The following GALNT10 variants were observed in gnomAD, a reference collection of about 807,000 sequenced individuals.
GALNT10 encodes GalNAc transferase 10.
Under a neutral mutation model 75.0 loss-of-function variants are expected in GALNT10, and 41 were observed. The ratio of observed to expected loss-of-function variants is 0.55; its 90% CI spans 0.43 to 0.71. The LOEUF (loss-of-function observed/expected upper bound fraction) is 0.71, where lower values mean the gene tolerates loss of function less well. Among genes scored for constraint, GALNT10 ranks in the 30% least tolerant of loss-of-function variants. The probability of loss-of-function intolerance (pLI) is 0.00; values close to 1 mark genes in which losing one functional copy is unlikely to be tolerated. For synonymous variants in GALNT10, 302 were observed against 313.0 expected, an observed-to-expected ratio of 0.96 and a Z score of 0.37; for missense variants, 727 against 818.5, an observed-to-expected ratio of 0.89 and a Z score of 1.36.
chr5:154,289,104 A>G (rs536978864), intron 1 of GALNT10, among the ~76,000 whole-genome samples: 1 of 152,298 alleles, frequency 6.6e-6, no homozygotes, highest in East Asian at 1.9e-4. Context: ...TCCTCCAAAC[A>G]TGGTTATCAC....
intron 5 of GALNT10, among the ~76,000 whole-genome samples, chr5:154,379,632 C>A (rs946859085): frequency 1.6e-4 from 24 of 152,226 alleles, no homozygotes; most frequent in African/African-American, 5.8e-4. Context: ...AAGGGCAGAG[C>A]AAACCAAAGC....
chr5:154,259,106 T>C (rs1753660196), intron 1 of GALNT10, among the ~76,000 whole-genome samples: 1 of 152,192 alleles, frequency 6.6e-6, no homozygotes, highest in African/African-American at 2.4e-5. Flanking sequence ...GTTTTTCCCA[T>C]TGATGCCTTT....
chr5:154,289,798 C>T (rs577142773), intron 1 of GALNT10, among the ~76,000 whole-genome samples: 8 of 152,308 alleles, frequency 5.3e-5, no homozygotes, highest in Non-Finnish European at 1.2e-4. Flanking sequence ...CCCAGGTTCT[C>T]CAAGAACCAC....
Position 154,415,798 on chromosome 5 carries a change from T to C in GALNT10, c.1519T>C (p.Trp507Arg). 6.2e-7 allele frequency: 1 copy of C among 1,614,126 alleles called. No homozygotes were observed. ...CTGTGCACAGGTATTCACCTTCACC[T>C]GGAGAGAGGACATCCGGCCTGGAGA... ...WNNMQVFTFT[W>R]REDIRPGDPQ... is the part of the protein sequence containing the mutation. Residue 507 changes from tryptophan (W) to arginine (R), a missense_variant, in exon 11 of 12, where the codon TGG becomes CGG. Transcript: ENST00000297107.
chr5:154,295,348 C>A (rs1256198847), intron 2 of GALNT10, among the ~76,000 whole-genome samples: 2 of 152,174 alleles, frequency 1.3e-5, no homozygotes, highest in African/African-American at 4.8e-5. Flanking sequence ...TGGAAATTTC[C>A]TCTGTGAAAC....
At chr5:154,317,890 T>A (rs1365698368) in intron 3 of GALNT10, among the ~76,000 whole-genome samples, 1 of 152,248 alleles carries the variant, frequency 6.6e-6, no homozygotes, top group African/African-American at 2.4e-5. Context: ...GGCTCTGTTT[T>A]CCACTCTGTT....
intron 1 of GALNT10, among the ~76,000 whole-genome samples, chr5:154,269,766 A>G (rs1013057158): frequency 6.6e-6 from 1 of 152,222 alleles, no homozygotes; most frequent in African/African-American, 2.4e-5. Flanking sequence ...AGGACATTAG[A>G]GAGTCTGGGA....
At chr5:154,198,151 G>A (rs1162465949) in intron 1 of GALNT10, among the ~76,000 whole-genome samples, 1 of 152,192 alleles carries the variant, frequency 6.6e-6, no homozygotes, top group African/African-American at 2.4e-5. Flanking sequence ...CTTGGTTTGA[G>A]GCATGTGGGG....
chr5:154,325,678 G>A (rs1221322472), intron 3 of GALNT10, among the ~76,000 whole-genome samples: 2 of 149,840 alleles, frequency 1.3e-5, no homozygotes, highest in Non-Finnish European at 3.0e-5. Context: ...TCTTTTTCGA[G>A]GATTAAAACA....
chr5:154,241,323 G>T (rs893363885), intron 1 of GALNT10, among the ~76,000 whole-genome samples: 5 of 152,112 alleles, frequency 3.3e-5, no homozygotes, highest in African/African-American at 1.2e-4. Flanking sequence ...GTGGAAAGGG[G>T]CAGAGAGGGG....
At chr5:154,340,764 C>T (rs2113130560) in intron 4 of GALNT10, among the ~76,000 whole-genome samples, 1 of 152,274 alleles carries the variant, frequency 6.6e-6, no homozygotes, top group East Asian at 1.9e-4. Context: ...TATCAGACAA[C>T]CACAACTCCA....
At chr5:154,327,126 G>A (rs1754766881) in intron 3 of GALNT10, among the ~76,000 whole-genome samples, 1 of 152,030 alleles carries the variant, frequency 6.6e-6, no homozygotes, top group South Asian at 2.1e-4. Context: ...GGCTGAGGTG[G>A]GATGGCATGA....
intron 1 of GALNT10, among the ~76,000 whole-genome samples, chr5:154,226,140 A>T (rs1753061350): frequency 6.6e-6 from 1 of 151,736 alleles, no homozygotes; most frequent in Non-Finnish European, 1.5e-5. Context: ...TAATAAAAAA[A>T]GGAAAAAAAA....
rs114435360 is a variant in GALNT10, at chr5:154,341,232, C to T, written c.568+11494C>T. 4.7e-3 allele frequency among the ~76,000 whole-genome samples: 712 copies of T among 152,262 alleles called. 6 individuals carry two copies. The highest frequency in any genetic ancestry group is 0.016 in the African/African-American group (673 of 41,568). ...ATCCTCAATGTTCACTCAGTTCCTT[C>T]GCCTAAAAGACAAAAATGTTCATTC... On this transcript the variant is annotated intron_variant, in intron 4 of 11. Transcript: ENST00000297107.
intron 1 of GALNT10, among the ~76,000 whole-genome samples, chr5:154,202,810 C>T (rs925119006): frequency 2.0e-5 from 3 of 152,182 alleles, no homozygotes; most frequent in East Asian, 1.9e-4. Flanking sequence ...CTATCTTTCC[C>T]GCTAGGGTGG....
rs1026409137 is a variant in GALNT10 at position 154,207,671 on chromosome 5, G to A, written c.159+16646G>A. On this transcript the variant is annotated intron_variant, in intron 1 of 11. Coordinates refer to ENST00000297107, the MANE Select transcript of GALNT10 (RefSeq NM_198321.4). ...GGGAGTGGGATGGTTTAGCCAGACA[G>A]GGAAATGGCTGGGCAGGGGGTGGGT... 3.9e-5 allele frequency among the ~76,000 whole-genome samples: 6 copies of A among 152,176 alleles called. 1 individual carries two copies. The highest frequency in any genetic ancestry group is 3.3e-4 in the Admixed American group (5 of 15,268).
chr5:154,243,437 A>C (rs1753370423), intron 1 of GALNT10, among the ~76,000 whole-genome samples: 1 of 152,198 alleles, frequency 6.6e-6, no homozygotes, highest in South Asian at 2.1e-4. Context: ...TTCCCACATA[A>C]GCAACTTTCC....
At chr5:154,383,879 A>G (rs1755769896) in intron 6 of GALNT10, among the ~76,000 whole-genome samples, 1 of 152,230 alleles carries the variant, frequency 6.6e-6, no homozygotes, top group Non-Finnish European at 1.5e-5. Flanking sequence ...TCACACTGCT[A>G]TAAAGAACTG....
In GALNT10 at chr5:154,223,381, C is replaced by G. The variant is rs1292581897; in HGVS notation, c.159+32356C>G. Among the ~76,000 whole-genome samples the G allele has an allele frequency of 5.3e-5, 8 of 152,290 alleles. No homozygotes were observed. In the East Asian group the frequency reaches 1.3e-3, roughly 26 times the overall value. ...AGCTAGGACATGGGGGACCTGGATT[C>G]AATCCCAATACTGTCTGACTTTGAA... is the stretch of plus-strand genomic sequence containing the variant. On this transcript the variant is annotated intron_variant, in intron 1 of 11. Coordinates refer to ENST00000297107, the MANE Select transcript of GALNT10 (RefSeq NM_198321.4).
Sources: gnomAD v4.1 joint callset for allele counts (sites outside exome capture counted in the v4.1 genomes callset) on GRCh38, gnomAD v4.1.1 for gene constraint, MANE v1.5 for transcripts, NCBI Gene and HGNC (gene_info 2026-07-23, HGNC 2026-07-21) for gene names.